Variants in C10orf90 observed in about 807,000 individuals in gnomAD.
C10orf90 encodes the protein chromosome 10 open reading frame 90, also known as (E2-independent) E3 ubiquitin-conjugating enzyme FATS.
A neutral mutation model predicts 62.5 loss-of-function variants in C10orf90; 56 were observed. The ratio of observed to expected loss-of-function variants is 0.90; its 90% CI spans 0.72 to 1.12. The LOEUF (loss-of-function observed/expected upper bound fraction) is 1.12, where lower values mean the gene tolerates loss of function less well. Among genes scored for constraint, C10orf90 ranks in the 50% most tolerant of loss-of-function variants. The pLI, the probability that C10orf90 is intolerant of heterozygous loss-of-function variation, is 0.00. For synonymous variants in C10orf90, 386 were observed against 340.4 expected, an observed-to-expected ratio of 1.13 and a Z score of -1.47; for missense variants, 970 against 880.4, an observed-to-expected ratio of 1.10 and a Z score of -1.29.
chr10:126,649,845 A>G (rs2133856805), intron 1 of C10orf90, among the ~76,000 whole-genome samples: 1 of 152,264 alleles, frequency 6.6e-6, no homozygotes, highest in South Asian at 2.1e-4. Context: ...CTACCTGTAC[A>G]TCTCTGGTGT....
chr10:126,491,595 C>T (rs1861777373), intron 4 of C10orf90, among the ~76,000 whole-genome samples: 1 of 152,180 alleles, frequency 6.6e-6, no homozygotes, highest in Non-Finnish European at 1.5e-5. Flanking sequence ...AAATGCTAAC[C>T]ATTCACACTT....
chr10:126,553,665 TA>T (rs1275375486), intron 2 of C10orf90, among the ~76,000 whole-genome samples: 1 of 152,198 alleles, frequency 6.6e-6, no homozygotes, highest in East Asian at 1.9e-4. Flanking sequence ...GTTTGTAACC[TA>T]GGGGTAATAG....
intron 2 of C10orf90, among the ~76,000 whole-genome samples, chr10:126,604,583 C>T (rs1023743662): frequency 2.0e-5 from 3 of 152,160 alleles, no homozygotes; most frequent in African/African-American, 4.8e-5. Flanking sequence ...CTTCCCCTCT[C>T]GCCAGACCCC....
intron 4 of C10orf90, among the ~76,000 whole-genome samples, chr10:126,496,135 C>T (rs571837765): frequency 6.6e-6 from 1 of 152,340 alleles, no homozygotes; most frequent in African/African-American, 2.4e-5. Context: ...CAGCCTGCTT[C>T]AGGCTTTGAA....
intron 2 of C10orf90, among the ~76,000 whole-genome samples, chr10:126,538,588 C>G (rs766843601): frequency 3.3e-5 from 5 of 152,208 alleles, no homozygotes; most frequent in Non-Finnish European, 5.9e-5. Context: ...CCACTTGCCA[C>G]GTGTTGTTAA....
At chr10:126,627,701 C>A (rs998366916) in intron 2 of C10orf90, among the ~76,000 whole-genome samples, 4 of 152,164 alleles carry the variant, frequency 2.6e-5, no homozygotes, top group Non-Finnish European at 5.9e-5. Context: ...AATTTCTTTT[C>A]TCTTGTCTCC....
At chr10:126,648,313 AAGGG>A (rs1331828836) in intron 1 of C10orf90, among the ~76,000 whole-genome samples, 2 of 152,164 alleles carry the variant, frequency 1.3e-5, no homozygotes, top group African/African-American at 4.8e-5. Context: ...AATGCACAGG[AAGGG>A]AGGGAGGGAG....
chr10:126,478,826 G>C (rs1861027674), intron 4 of C10orf90, among the ~76,000 whole-genome samples: 1 of 152,148 alleles, frequency 6.6e-6, no homozygotes. Flanking sequence ...TGTCCCCTGG[G>C]GAACAGGGGA....
intron 2 of C10orf90, among the ~76,000 whole-genome samples, chr10:126,530,870 A>C (rs2133954863): frequency 6.6e-6 from 1 of 152,292 alleles, no homozygotes; most frequent in East Asian, 1.9e-4. Context: ...AGGGAGAAAG[A>C]AAAAATGAAA....
chr10:126,547,418 A>G (rs1192003197), intron 2 of C10orf90, among the ~76,000 whole-genome samples: 1 of 150,970 alleles, frequency 6.6e-6, no homozygotes, highest in African/African-American at 2.4e-5. Context: ...GACTGTCAAA[A>G]AAAAAAAAAA....
chr10:126,512,472 C>T lies in C10orf90; in HGVS notation c.405+1376G>A, dbSNP rs184180712. 1.6e-3 allele frequency among the ~76,000 whole-genome samples: 240 copies of T among 151,970 alleles called. 3 individuals are homozygous for T. Among genetic ancestry groups the T allele is most frequent in the African/African-American group, 5.3e-3 (219 of 41,422 alleles). On this transcript the variant is annotated intron_variant, in intron 3 of 9. Coordinates refer to ENST00000488181, the MANE Select transcript of C10orf90 (RefSeq NM_001350921.2). Reference sequence around the variant, plus strand: ...ACATAGCCACAAACATTGACATCAACATTAGTGACTAAACTCTAATTAATT... The same window carrying T: ...ACATAGCCACAAACATTGACATCAATATTAGTGACTAAACTCTAATTAATT...
intron 4 of C10orf90, among the ~76,000 whole-genome samples, chr10:126,482,449 A>G (rs1861218410): frequency 6.6e-6 from 1 of 152,218 alleles, no homozygotes; most frequent in Admixed American, 6.5e-5. Context: ...TGAAACTTGT[A>G]TAAACTAAAT....
intron 2 of C10orf90, among the ~76,000 whole-genome samples, chr10:126,543,665 G>T (rs1251033817): frequency 6.6e-6 from 1 of 152,142 alleles, no homozygotes; most frequent in Non-Finnish European, 1.5e-5. Context: ...GCCTCTGATG[G>T]TCACATTCCA....
chr10:126,562,044 C>T (rs1418882423), intron 2 of C10orf90, among the ~76,000 whole-genome samples: 2 of 152,184 alleles, frequency 1.3e-5, no homozygotes, highest in South Asian at 2.1e-4. Flanking sequence ...GCCGCCCTCC[C>T]GCTGAAGTGC....
chr10:126,440,783 G>A (rs1025206353), intron 7 of C10orf90, among the ~76,000 whole-genome samples: 1 of 152,074 alleles, frequency 6.6e-6, no homozygotes, highest in African/African-American at 2.4e-5. Flanking sequence ...GGACCCAGAA[G>A]AGAGATAACA....
chr10:126,576,701 A>ACATATACATAT lies in C10orf90; in HGVS notation c.314-62763_314-62762insATATGTATATG, dbSNP rs1844623886. Among the ~76,000 whole-genome samples the ACATATACATAT allele has an allele frequency of 4.9e-3, 407 of 83,082 alleles. 54 individuals are homozygous for ACATATACATAT. The highest frequency in any genetic ancestry group is 0.017 in the African/African-American group (337 of 20,328). The allele number at this position is 83,082 out of a possible 152,430, so 54.5% of individuals were successfully genotyped here. A position where few individuals can be genotyped will look rare whatever the true frequency, so the allele number is the denominator to read the frequency against. On this transcript the variant is annotated intron_variant, in intron 2 of 9. Coordinates refer to ENST00000488181, the MANE Select transcript of C10orf90 (RefSeq NM_001350921.2). Reference sequence around the variant, plus strand: ...TACATATACATATACATGTATATGTATATGTATATATATACAAGATATACA... The same window carrying ACATATACATAT: ...TACATATACATATACATGTATATGTACATATACATATTATGTATATATATACAAGATATACA...
chr10:126,646,262 T>G (rs1239285820), intron 2 of C10orf90, among the ~76,000 whole-genome samples: 4 of 152,248 alleles, frequency 2.6e-5, no homozygotes, highest in Non-Finnish European at 4.4e-5. Context: ...TACTCATCCC[T>G]GATGGAGCCC....
intron 4 of C10orf90, among the ~76,000 whole-genome samples, chr10:126,493,589 G>A (rs925939111): frequency 6.4e-5 from 6 of 93,392 alleles, no homozygotes; most frequent in African/African-American, 2.1e-4. Context: ...ACTTCTGACC[G>A]CAGGTGATCG....
intron 2 of C10orf90, among the ~76,000 whole-genome samples, chr10:126,514,471 T>G (rs1405203458): frequency 1.3e-5 from 2 of 152,180 alleles, no homozygotes; most frequent in African/African-American, 4.8e-5. Flanking sequence ...CACATGTGCC[T>G]CTCTGTGAGT....
Sources: allele counts gnomAD v4.1 joint callset (sites outside exome capture counted in the v4.1 genomes callset), GRCh38; gene constraint gnomAD v4.1.1; transcripts MANE v1.5; gene names NCBI Gene and HGNC (gene_info 2026-07-23, HGNC 2026-07-21).